Variants in ARHGAP15 observed in about 807,000 individuals in gnomAD.
ARHGAP15 encodes Rho GTPase activating protein 15, also known as rho GTPase-activating protein 15.
Under a neutral mutation model 63.7 loss-of-function variants are expected in ARHGAP15, and 51 were observed. The observed-to-expected ratio is 0.80, with a 90% CI of 0.64 to 1.01. The LOEUF is 1.01. Among genes scored for constraint, ARHGAP15 ranks in the 50% least tolerant of loss-of-function variants. The pLI, the probability that ARHGAP15 is intolerant of heterozygous loss-of-function variation, is 0.00. For synonymous variants in ARHGAP15, 191 were observed against 193.8 expected, an observed-to-expected ratio of 0.99 and a Z score of 0.12; for missense variants, 560 against 564.6, an observed-to-expected ratio of 0.99 and a Z score of 0.08.
At chr2:143,446,429 G>A (rs948234270) in intron 8 of ARHGAP15, among the ~76,000 whole-genome samples, 9 of 151,870 alleles carry the variant, frequency 5.9e-5, no homozygotes, top group Admixed American at 1.3e-4. Context: ...AAACAAATGC[G>A]TAATTTTTTG....
At chr2:143,538,935 G>T (rs1559037096) in intron 10 of ARHGAP15, among the ~76,000 whole-genome samples, 1 of 152,198 alleles carries the variant, frequency 6.6e-6, no homozygotes, top group South Asian at 2.1e-4. Context: ...CTCTTGATTG[G>T]TATAGTTTCA....
intron 1 of ARHGAP15, among the ~76,000 whole-genome samples, chr2:143,152,552 C>A (rs2105003800): frequency 6.6e-6 from 1 of 152,084 alleles, no homozygotes; most frequent in Non-Finnish European, 1.5e-5. Flanking sequence ...TCTCTAGTCT[C>A]TAAAATGGTG....
intron 10 of ARHGAP15, among the ~76,000 whole-genome samples, chr2:143,542,735 A>AATATATATGATATATATAATATCACATAT: frequency 1.1e-5 from 1 of 90,772 alleles, no homozygotes. Context: ...TCACATATAT[A>AATATATATGATATATATAATATCACATAT]ATATATATAT....
At chr2:143,147,892 G>T (rs1422960900) in intron 1 of ARHGAP15, among the ~76,000 whole-genome samples, 1 of 151,970 alleles carries the variant, frequency 6.6e-6, no homozygotes, top group Non-Finnish European at 1.5e-5. Flanking sequence ...CATCCCACGA[G>T]CATGTTATAT....
chr2:143,319,163 T>A (rs1364656516), intron 6 of ARHGAP15, among the ~76,000 whole-genome samples: 1 of 152,084 alleles, frequency 6.6e-6, no homozygotes, highest in African/African-American at 2.4e-5. Flanking sequence ...ATAGCTCCAT[T>A]TCTTTTTCTA....
intron 6 of ARHGAP15, among the ~76,000 whole-genome samples, chr2:143,409,425 A>C (rs962234987): frequency 3.9e-5 from 6 of 152,080 alleles, no homozygotes; most frequent in African/African-American, 1.4e-4. Flanking sequence ...CCGCAAGGGA[A>C]TATCTCCAAT....
intron 1 of ARHGAP15, among the ~76,000 whole-genome samples, chr2:143,133,245 G>T (rs1197997542): frequency 1.3e-5 from 2 of 152,124 alleles, no homozygotes. Context: ...ATATGTCAAG[G>T]CACAAAAACA....
At chr2:143,670,192 TCTG>T (rs1180498059) in intron 12 of ARHGAP15, among the ~76,000 whole-genome samples, 1 of 152,150 alleles carries the variant, frequency 6.6e-6, no homozygotes, top group Non-Finnish European at 1.5e-5. Context: ...CAAACCCACT[TCTG>T]CTCCCAACCA....
At chr2:143,447,352 T>C (rs543649080) in intron 8 of ARHGAP15, among the ~76,000 whole-genome samples, 52 of 152,172 alleles carry the variant, frequency 3.4e-4, no homozygotes, top group Non-Finnish European at 5.3e-4. Flanking sequence ...AAAAGATGGG[T>C]TTTGTTGACT....
At chr2:143,627,775 AG>A (rs1698894510) in intron 12 of ARHGAP15, among the ~76,000 whole-genome samples, 1 of 152,020 alleles carries the variant, frequency 6.6e-6, no homozygotes, top group African/African-American at 2.4e-5. Context: ...TCTGTACCAT[AG>A]GAGGGTTGGT....
At chr2:143,361,342 ATTATC>A (rs755982669) in intron 6 of ARHGAP15, among the ~76,000 whole-genome samples, 5 of 152,186 alleles carry the variant, frequency 3.3e-5, no homozygotes, top group Non-Finnish European at 7.3e-5. Context: ...CCAAATAATT[ATTATC>A]TTAACTATCA....
intron 3 of ARHGAP15, among the ~76,000 whole-genome samples, chr2:143,211,993 T>C (rs1692580582): frequency 6.6e-6 from 1 of 152,180 alleles, no homozygotes; most frequent in South Asian, 2.1e-4. Flanking sequence ...CAAACCCTTC[T>C]CATCAAAATC....
chr2:143,181,848 T>G (rs745774281), intron 2 of ARHGAP15, among the ~76,000 whole-genome samples: 2 of 152,220 alleles, frequency 1.3e-5, no homozygotes, highest in African/African-American at 2.4e-5. Context: ...AACTTTTCCT[T>G]TGCATTCACA....
chr2:143,130,878 T>C (rs1270145888), intron 1 of ARHGAP15, among the ~76,000 whole-genome samples: 1 of 152,186 alleles, frequency 6.6e-6, no homozygotes, highest in Non-Finnish European at 1.5e-5. Flanking sequence ...GTTCTGAACC[T>C]CTGCATCTAT....
rs188464275 is a variant in ARHGAP15 at position 143,611,959 on chromosome 2, C to G, written c.1004-12174C>G. Among the ~76,000 whole-genome samples the G allele has an allele frequency of 3.8e-3, 585 of 152,278 alleles. 3 individuals carry two copies. Among genetic ancestry groups the G allele is most frequent in the African/African-American group, 0.014 (569 of 41,556 alleles). ...TATTTAGTTCTGGCCTTCATGGTAT[C>G]TTGCTGGGCTGTTTCCAGGGTCTTC... is the stretch of plus-strand genomic sequence containing the variant. On this transcript the variant is annotated intron_variant, in intron 11 of 13. Transcript: ENST00000295095.
intron 8 of ARHGAP15, among the ~76,000 whole-genome samples, chr2:143,468,586 A>T (rs995215043): frequency 1.3e-5 from 2 of 151,944 alleles, no homozygotes; most frequent in African/African-American, 2.4e-5. Context: ...TAGAGATTAT[A>T]GCACAATATA....
chr2:143,228,733 G>A (rs1174744588), intron 5 of ARHGAP15, 65 bp downstream of exon 5: 1 of 1,265,836 alleles, frequency 7.9e-7, no homozygotes, highest in Admixed American at 2.5e-5. Flanking sequence ...TAAAAGTTTG[G>A]TTTTATCAGA....
intron 6 of ARHGAP15, among the ~76,000 whole-genome samples, chr2:143,251,879 G>A (rs1680175214): frequency 1.3e-5 from 2 of 151,928 alleles, no homozygotes. Context: ...AGGAACTATA[G>A]ATCAGTGACT....
intron 3 of ARHGAP15, among the ~76,000 whole-genome samples, chr2:143,203,840 G>C (rs1399310120): frequency 6.6e-6 from 1 of 152,030 alleles, no homozygotes; most frequent in Admixed American, 6.6e-5. Context: ...ACACTAGCCA[G>C]TTCTAAATTT....
Sources: gnomAD v4.1 joint callset for allele counts (sites outside exome capture counted in the v4.1 genomes callset) on GRCh38, gnomAD v4.1.1 for gene constraint, MANE v1.5 for transcripts, NCBI Gene and HGNC (gene_info 2026-07-23, HGNC 2026-07-21) for gene names.